SH3PXD2A: variants seen among roughly 807,000 people sequenced by gnomAD.
The protein encoded by SH3PXD2A is SH3 and PX domains 2A.
Under a neutral mutation model 115.2 loss-of-function variants are expected in SH3PXD2A, and 32 were observed. The observed-to-expected ratio is 0.28, with a 90% confidence interval of 0.21 to 0.37. SH3PXD2A has a LOEUF of 0.37. Among genes scored for constraint, SH3PXD2A ranks in the 10% least tolerant of loss-of-function variants. SH3PXD2A has a pLI of 1.00. For synonymous variants in SH3PXD2A, 610 were observed against 629.1 expected (o/e 0.97, Z 0.45); for missense variants, 1,328 against 1,498.7 (o/e 0.89, Z 1.88).
intron 5 of SH3PXD2A, among the ~76,000 whole-genome samples, chr10:103,710,972 G>C (rs542136153): frequency 1.3e-5 from 2 of 152,324 alleles, no homozygotes; most frequent in Non-Finnish European, 2.9e-5. Flanking sequence ...GCAGTTTGAA[G>C]CTACAGTGAG....
rs1393027745 is a variant in SH3PXD2A at position 103,855,255 on chromosome 10, G to A, written c.12C>T (p.Tyr4=). MLA[Y]CVQDATVVDV... ...CCACCACGGTGGCATCCTGCACGCA[G>A]TAGGCGAGCATCTTCCCCCACAAAG... The change falls in exon 1 of 15, where the codon TAC becomes TAT. Residue 4 remains tyrosine (Y), a synonymous_variant. Coordinates refer to ENST00000369774, the MANE Select transcript of SH3PXD2A (RefSeq NM_001394015.1). 1.3e-6 allele frequency: 2 copies of A among 1,525,228 alleles called. No individual in the cohort carries two copies. Among genetic ancestry groups the A allele is most frequent in the Non-Finnish European group, 1.8e-6 (2 of 1,134,136 alleles). The allele number at this position is 1,525,228 out of a possible 1,614,324, so 94.5% of individuals were successfully genotyped here.
At chr10:103,631,501 C>G (rs540709439) in intron 8 of SH3PXD2A, among the ~76,000 whole-genome samples, 1 of 152,274 alleles carries the variant, frequency 6.6e-6, no homozygotes, top group African/African-American at 2.4e-5. Context: ...GTATCTGGAG[C>G]TGGGTTTCAA....
chr10:103,693,095 C>T (rs1367281358), intron 5 of SH3PXD2A, 39 bp from the exon 6 acceptor site: 2 of 1,601,832 alleles, frequency 1.2e-6, no homozygotes, highest in South Asian at 1.1e-5. Flanking sequence ...TGGTTAGGGC[C>T]GGGCGCGAGC....
intron 1 of SH3PXD2A, among the ~76,000 whole-genome samples, chr10:103,853,247 T>G (rs893180499): frequency 2.0e-5 from 3 of 152,246 alleles, no homozygotes; most frequent in Admixed American, 2.0e-4. Flanking sequence ...GAACAAGTTA[T>G]TATCAATCTT....
At chr10:103,779,721 C>T (rs561432551) in intron 2 of SH3PXD2A, among the ~76,000 whole-genome samples, 3 of 152,272 alleles carry the variant, frequency 2.0e-5, no homozygotes, top group East Asian at 1.9e-4. Flanking sequence ...CCCAGGGCGC[C>T]GGTGGTGACA....
intron 1 of SH3PXD2A, among the ~76,000 whole-genome samples, chr10:103,829,479 T>A (rs1249593741): frequency 1.3e-5 from 2 of 152,216 alleles, no homozygotes; most frequent in African/African-American, 2.4e-5. Context: ...TTTGTTTTTT[T>A]AAATAGGTCT....
At chr10:103,643,428 A>G (rs1182184797) in intron 8 of SH3PXD2A, among the ~76,000 whole-genome samples, 1 of 152,222 alleles carries the variant, frequency 6.6e-6, no homozygotes, top group African/African-American at 2.4e-5. Context: ...ATGTATTTCA[A>G]AAAGACATTT....
chr10:103,667,522 G>A (rs144561530), intron 7 of SH3PXD2A, among the ~76,000 whole-genome samples: 5 of 152,322 alleles, frequency 3.3e-5, no homozygotes, highest in East Asian at 1.9e-4. Context: ...CCAGGCCCTC[G>A]TCACAGGAAA....
intron 4 of SH3PXD2A, among the ~76,000 whole-genome samples, chr10:103,726,543 C>T (rs532484848): frequency 9.9e-5 from 15 of 152,118 alleles, no homozygotes; most frequent in African/African-American, 2.2e-4. Context: ...TAGTAGAGTA[C>T]CTGACAGAGC....
intron 5 of SH3PXD2A, among the ~76,000 whole-genome samples, chr10:103,696,453 G>T (rs1388268931): frequency 6.6e-6 from 1 of 152,038 alleles, no homozygotes; most frequent in African/African-American, 2.4e-5. Context: ...GGACAGCAGG[G>T]CCCTCTGCTG....
chr10:103,775,021 C>T (rs1406093074), intron 2 of SH3PXD2A, among the ~76,000 whole-genome samples: 25 of 152,118 alleles, frequency 1.6e-4, no homozygotes, highest in Admixed American at 1.5e-3. Flanking sequence ...ATACTAGTGG[C>T]CCCCCAGATA....
chr10:103,631,953 T>TA (rs962226175), intron 8 of SH3PXD2A, among the ~76,000 whole-genome samples: 3 of 151,174 alleles, frequency 2.0e-5, no homozygotes, highest in African/African-American at 4.9e-5. Context: ...TCCCATCTCT[T>TA]AAAAAAAAAT....
Position 103,611,639 on chromosome 10 carries a change from A to G in SH3PXD2A, c.1259-9T>C. 5 of 1,613,148 alleles carry G rather than the reference A, an allele frequency of 3.1e-6. No individual in the cohort carries two copies. Among genetic ancestry groups the G allele is most frequent in the Non-Finnish European group, 4.2e-6 (5 of 1,179,054 alleles). ...CCGTAGGTTCGGGGAGCCTAGAGGA[A>G]GAGACATGGCTTCAGAAATCCTAGT... is the stretch of plus-strand genomic sequence containing the variant. On this transcript the variant is annotated splice_polypyrimidine_tract_variant and intron_variant, in intron 12 of 14. Transcript: ENST00000369774.
chr10:103,605,689 C>A, intron 14 of SH3PXD2A, 109 bp downstream of exon 14: 1 of 1,363,938 alleles, frequency 7.3e-7, no homozygotes, highest in South Asian at 1.2e-5. Context: ...TGTACCTTTC[C>A]TGCCTGCCTG....
chr10:103,613,327 C>T (rs999751059), intron 11 of SH3PXD2A, 137 bp from the exon 12 acceptor site: 11 of 628,322 alleles, frequency 1.8e-5, no homozygotes, highest in African/African-American at 1.5e-4. Context: ...TCCCACTACT[C>T]TGGAGAGAAA....
At chr10:103,695,346 T>C (rs1217144000) in intron 5 of SH3PXD2A, among the ~76,000 whole-genome samples, 7 of 151,946 alleles carry the variant, frequency 4.6e-5, no homozygotes, top group African/African-American at 1.7e-4. Flanking sequence ...CCCCTATCTC[T>C]ACCAAAAATA....
chr10:103,602,964 C>T lies in SH3PXD2A; in HGVS notation c.2254G>A (p.Ala752Thr), dbSNP rs200758401. Residue 752 changes from alanine (A) to threonine (T), a missense_variant, in exon 15 of 15, where the codon GCC becomes ACC. Physicochemically the swap from Ala to Thr is moderately conservative, Grantham distance 58 (BLOSUM62 0). This residue lies in a region of SH3PXD2A where 574 missense variants were observed against 565.7 expected (regional missense o/e 1.01). Coordinates refer to ENST00000369774, the MANE Select transcript of SH3PXD2A (RefSeq NM_001394015.1). ...GGCTTGGGCCGGACCGATGGCTTGGCCCGGGGACAGGAGGTCAGCCCAGCG... is the reference window on the plus strand; with the variant it reads ...GGCTTGGGCCGGACCGATGGCTTGGTCCGGGGACAGGAGGTCAGCCCAGCG... ...ANAGLTSCPRAKPSVRPKPFL... is the reference protein window; with the variant it reads ...ANAGLTSCPRTKPSVRPKPFL... 86 of 1,614,198 alleles carry T rather than the reference C, an allele frequency of 5.3e-5. No homozygotes were observed. In the Middle Eastern group the frequency reaches 1.2e-3, roughly 22 times the overall value.
At chr10:103,635,084 C>A (rs1341658932) in intron 8 of SH3PXD2A, among the ~76,000 whole-genome samples, 1 of 152,134 alleles carries the variant, frequency 6.6e-6, no homozygotes, top group Non-Finnish European at 1.5e-5. Context: ...GGGGAAACTG[C>A]CTTGAGTGTG....
intron 5 of SH3PXD2A, among the ~76,000 whole-genome samples, chr10:103,719,385 T>C (rs1468465752): frequency 6.6e-6 from 1 of 152,226 alleles, no homozygotes; most frequent in Non-Finnish European, 1.5e-5. Context: ...GCCAGTTGGG[T>C]GACTTCAGGT....
Sources: gnomAD v4.1 joint callset for allele counts (sites outside exome capture counted in the v4.1 genomes callset) on GRCh38, gnomAD v4.1.1 for gene constraint, gnomAD v4.1.1 regional missense constraint, MANE v1.5 for transcripts, NCBI Gene and HGNC (gene_info 2026-07-23, HGNC 2026-07-21) for gene names.